Variants in TUBG1 observed in about 807,000 individuals in gnomAD.
TUBG1 encodes the protein tubulin gamma 1, also known as tubulin gamma-1 chain.
In TUBG1, 22 loss-of-function variants were observed where a neutral mutation model predicts 53.3. The ratio of observed to expected loss-of-function variants is 0.41; its 90% confidence interval spans 0.29 to 0.59. TUBG1 has a LOEUF of 0.59. TUBG1 is among the 20% of genes least tolerant of loss of function. The probability of loss-of-function intolerance (pLI) is 0.26; values close to 1 mark genes in which losing one functional copy is unlikely to be tolerated. For synonymous variants in TUBG1, 198 were observed against 236.7 expected (o/e 0.84, Z 1.50); for missense variants, 217 against 598.9 (o/e 0.36, Z 6.66).
rs1293432637 is a variant in TUBG1, at chr17:42,613,721, G to A, written c.681G>A (p.Gln227=). The A allele has an allele frequency of 6.2e-7, 1 of 1,614,108 alleles. No homozygotes were observed. The highest frequency in any genetic ancestry group is 8.5e-7 in the Non-Finnish European group (1 of 1,180,018). ...RLHIQNPSFS[Q]INQLVSTIMS... is the part of the protein sequence containing the mutation. ...ACATCCAGAACCCATCCTTCTCCCA[G>A]ATCAACCAGCTGGTGGGCCCCCACT... Residue 227 remains glutamine (Q), a synonymous_variant, in exon 7 of 11, where the codon CAG becomes CAA. Coordinates refer to ENST00000251413, the MANE Select transcript of TUBG1 (RefSeq NM_001070.5).
chr17:42,613,356 C>G (rs2052050952), intron 6 of TUBG1, among the ~76,000 whole-genome samples: 3 of 151,884 alleles, frequency 2.0e-5, no homozygotes, highest in Admixed American at 6.6e-5. Flanking sequence ...GAGGCAGGGG[C>G]TGCAGTGAGC....
rs750029303 is a variant in TUBG1, at chr17:42,610,212, T to G, written c.154T>G (p.Phe52Val). Residue 52 changes from phenylalanine (F) to valine (V), a missense_variant, in exon 2 of 11, where the codon TTC (phenylalanine) becomes GTC (valine). Physicochemically the swap from Phe to Val is conservative, Grantham distance 50. Around this residue, in one of 4 missense-constraint regions of TUBG1, gnomAD observed 57 missense variants for 169.3 expected, o/e 0.34. Transcript: ENST00000251413. ...GGGCACTGACCGCAAGGACGTCTTT[T>G]TCTACCAGGTGCCCCCAGCGACTTG... ...TEGTDRKDVF[F>V]YQADDEHYIP... 3.1e-6 allele frequency: 5 copies of G among 1,614,140 alleles called. No individual in the cohort carries two copies. The highest frequency in any genetic ancestry group is 4.2e-6 in the Non-Finnish European group (5 of 1,180,058).
rs991537966 is a variant in TUBG1 at position 42,614,425 on chromosome 17, C to T, written c.996+13C>T. 1 of 1,614,008 alleles carries T rather than the reference C, an allele frequency of 6.2e-7. No individual in the cohort carries two copies. The highest frequency in any genetic ancestry group is 1.1e-5 in the South Asian group (1 of 91,092). ...GGACCCCACCCAGGTAGGGGAGGCC[C>T]CTTCATCCCACACCCTGGACCTGCA... On this transcript the variant is annotated intron_variant, in intron 9 of 10. Coordinates refer to ENST00000251413, the MANE Select transcript of TUBG1 (RefSeq NM_001070.5). The surrounding 1 kb of genome is among the most constrained non-coding windows in gnomAD (Gnocchi z 5.1).
chr17:42,611,430 T>C (rs1206092277), intron 3 of TUBG1, among the ~76,000 whole-genome samples: 1 of 152,234 alleles, frequency 6.6e-6, no homozygotes, highest in Non-Finnish European at 1.5e-5. Flanking sequence ...CTGAAATATT[T>C]TGAATTCCAA....
intron 6 of TUBG1, 38 bp downstream of exon 6, chr17:42,613,111 C>T (rs755270645): frequency 6.3e-6 from 10 of 1,598,540 alleles, no homozygotes; most frequent in Admixed American, 1.8e-5. Flanking sequence ...CTCTCAACAC[C>T]CCATACCCAC....
Position 42,612,068 on chromosome 17 carries a change from T to A in TUBG1, c.331-7T>A. 6.2e-7 allele frequency: 1 copy of A among 1,613,890 alleles called. No individual in the cohort carries two copies. Among genetic ancestry groups the A allele is most frequent in the East Asian group, 2.2e-5 (1 of 44,876 alleles). On this transcript the variant is annotated splice_region_variant and splice_polypyrimidine_tract_variant and intron_variant, in intron 3 of 10. Transcript: ENST00000251413. ...TCCCACTCTGACCCTCCCCTATGTC[T>A]GTACAGGGAGAAAAGATCCATGAGG...
chr17:42,613,733 G>C lies in TUBG1; in HGVS notation c.693G>C (p.Leu231=). ...QNPSFSQINQ[L]VSTIMSASTT... ...CATCCTTCTCCCAGATCAACCAGCT[G>C]GTGGGCCCCCACTCCTGGACTCCTT... Residue 231 remains leucine (L), a splice_region_variant and synonymous_variant, in exon 7 of 11, where the codon CTG becomes CTC. Coordinates refer to ENST00000251413, the MANE Select transcript of TUBG1 (RefSeq NM_001070.5). The C allele has an allele frequency of 6.2e-7, 1 of 1,614,014 alleles. No homozygotes were observed. Among genetic ancestry groups the C allele is most frequent in the Non-Finnish European group, 8.5e-7 (1 of 1,179,992 alleles).
rs368500084 is a variant in TUBG1 at position 42,612,974 on chromosome 17, C to T, written c.507C>T (p.Tyr169=). ...DRYPKKLVQT[Y]SVFPNQDEMS... is the part of the protein sequence containing the mutation. Reference sequence around the variant, plus strand: ...ATCCTAAGAAGCTGGTGCAGACATACTCAGTGTTTCCCAACCAGGACGAGA... The same window carrying T: ...ATCCTAAGAAGCTGGTGCAGACATATTCAGTGTTTCCCAACCAGGACGAGA... Residue 169 remains tyrosine, a synonymous_variant, in exon 6 of 11, where the codon TAC becomes TAT. Coordinates refer to ENST00000251413, the MANE Select transcript of TUBG1 (RefSeq NM_001070.5). The T allele has an allele frequency of 1.2e-6, 2 of 1,614,020 alleles. No individual in the cohort carries two copies. Among genetic ancestry groups the T allele is most frequent in the African/African-American group, 1.3e-5 (1 of 74,926 alleles).
intron 6 of TUBG1, 45 bp from the exon 7 acceptor site, chr17:42,613,602 T>C: frequency 6.2e-7 from 1 of 1,613,828 alleles, no homozygotes; most frequent in Non-Finnish European, 8.5e-7. Context: ...AGAGCTCCTG[T>C]TTTTCTTATC....
chr17:42,613,631 T>A lies in TUBG1; in HGVS notation c.607-16T>A. The A allele has an allele frequency of 6.2e-7, 1 of 1,614,106 alleles. No homozygotes were observed. On this transcript the variant is annotated splice_polypyrimidine_tract_variant and intron_variant, in intron 6 of 10. Coordinates refer to ENST00000251413, the MANE Select transcript of TUBG1 (RefSeq NM_001070.5). The stretch of plus-strand genomic sequence containing the variant: ...TCTTATCCCCATTGATCTGTGATCC[T>A]CTTCTGTCCCCCCAGGTGGTGCTGG...
In TUBG1 at chr17:42,613,616, A is replaced by G. The variant is rs1224893465; in HGVS notation, c.607-31A>G. 4.3e-6 allele frequency: 7 copies of G among 1,613,926 alleles called. No individual in the cohort carries two copies. In the South Asian group the frequency reaches 5.5e-5, roughly 13 times the overall value. On this transcript the variant is annotated intron_variant, in intron 6 of 10. Transcript: ENST00000251413. ...CAGAGCTCCTGTTTTTCTTATCCCCATTGATCTGTGATCCTCTTCTGTCCC... is the reference window on the plus strand; with the variant it reads ...CAGAGCTCCTGTTTTTCTTATCCCCGTTGATCTGTGATCCTCTTCTGTCCC...
chr17:42,610,930 C>T, intron 3 of TUBG1: 1 of 248,848 alleles, frequency 4.0e-6, no homozygotes. Flanking sequence ...AAACAAATTT[C>T]AATGAAGACA....
At chr17:42,611,927 G>A (rs113567287) in intron 3 of TUBG1, 148 bp from the exon 4 acceptor site, 32 of 668,118 alleles carry the variant, frequency 4.8e-5, no homozygotes, top group Non-Finnish European at 6.8e-5. Flanking sequence ...CCACTGCACC[G>A]TACTGCCTCT....
chr17:42,612,349 C>T, intron 4 of TUBG1, 78 bp from the exon 5 acceptor site: 1 of 1,530,912 alleles, frequency 6.5e-7, no homozygotes, highest in African/African-American at 1.4e-5. Context: ...AATGGGAGTC[C>T]TAAAAAACTA....
intron 3 of TUBG1, 146 bp from the exon 4 acceptor site, chr17:42,611,929 A>T: frequency 1.5e-6 from 1 of 675,582 alleles, no homozygotes. Flanking sequence ...ACTGCACCGT[A>T]CTGCCTCTCA....
At position 42,612,947 on chromosome 17, in the gene TUBG1, G is replaced by A; in HGVS notation, c.480G>A (p.Arg160=). Reference sequence around the variant, plus strand: ...TGATCCTTTCCCCAACCCCCACCAGGTATCCTAAGAAGCTGGTGCAGACAT... The same window carrying A: ...TGATCCTTTCCCCAACCCCCACCAGATATCCTAAGAAGCTGGTGCAGACAT... ...GSYLLERLND[R]YPKKLVQTYS... is the part of the protein sequence containing the mutation. The change falls in exon 6 of 11, where the codon AGG becomes AGA. Residue 160 remains arginine, a splice_region_variant and synonymous_variant. Coordinates refer to ENST00000251413, the MANE Select transcript of TUBG1 (RefSeq NM_001070.5). 1.2e-6 allele frequency: 2 copies of A among 1,613,918 alleles called. No homozygotes were observed. The highest frequency in any genetic ancestry group is 2.2e-5 in the South Asian group (2 of 91,086).
chr17:42,614,056 C>G lies in TUBG1; in HGVS notation c.843+58C>G. The G allele has an allele frequency of 6.2e-7, 1 of 1,610,968 alleles. No individual in the cohort carries two copies. Among genetic ancestry groups the G allele is most frequent in the Admixed American group, 1.7e-5 (1 of 59,650 alleles). ...CGGCCCTGGGCCCAACAGGCCCTGTCCTAGCCTTTCTCTCTTCCCCACTGC... is the reference window on the plus strand; with the variant it reads ...CGGCCCTGGGCCCAACAGGCCCTGTGCTAGCCTTTCTCTCTTCCCCACTGC... On this transcript the variant is annotated intron_variant, in intron 8 of 10. Transcript: ENST00000251413. This position sits in a 1 kb window ranked among gnomAD's most constrained non-coding sequence, Gnocchi z 5.1.
At chr17:42,611,347 T>C (rs1009986322) in intron 3 of TUBG1, 1 of 152,208 alleles carries the variant, frequency 6.6e-6, no homozygotes, top group Admixed American at 6.5e-5. Flanking sequence ...TTAACGTGCT[T>C]CTGATTAAAT....
chr17:42,615,230 A>G lies in TUBG1; in HGVS notation c.*189A>G, dbSNP rs2052067612. 1 of 587,916 alleles carries G rather than the reference A, an allele frequency of 1.7e-6. No individual in the cohort carries two copies. The highest frequency in any genetic ancestry group is 3.1e-5 in the Admixed American group (1 of 32,020). 36.4% of individuals were successfully genotyped at this position (587,916 alleles called of 1,614,324 possible). On this transcript the variant is annotated 3_prime_UTR_variant, in exon 11 of 11. Transcript: ENST00000251413. ...ATTTATCTTTAATAAAGCACTGGAT[A>G]TAAATCAAGTCACTGCTCCCTTTAA...
Sources: gnomAD v4.1 joint callset for allele counts (sites outside exome capture counted in the v4.1 genomes callset) on GRCh38, gnomAD v4.1.1 for gene constraint, gnomAD v4.1.1 regional missense constraint, Gnocchi (gnomAD v3.1) non-coding constraint, MANE v1.5 for transcripts, NCBI Gene and HGNC (gene_info 2026-07-23, HGNC 2026-07-21) for gene names.